COL11A1: variants seen among roughly 807,000 people sequenced by gnomAD.
COL11A1 encodes the protein collagen type XI alpha 1 chain.
In COL11A1, 74 loss-of-function variants were observed where a neutral mutation model predicts 265.2. That is an observed-to-expected ratio of 0.28 (90% CI 0.23 to 0.34). The LOEUF is 0.34. Ranked by LOEUF, COL11A1 falls within the 10% of genes least tolerant of loss-of-function variation. COL11A1 has a pLI of 1.00. For missense variants in COL11A1, 2,165 were observed against 2,263.6 expected, an observed-to-expected ratio of 0.96 and a Z score of 0.88; for synonymous variants, 816 against 727.6, an observed-to-expected ratio of 1.12 and a Z score of -1.96.
intron 14 of COL11A1, among the ~76,000 whole-genome samples, chr1:103,011,520 C>T (rs1038010395): frequency 2.1e-4 from 32 of 151,730 alleles, no homozygotes; most frequent in African/African-American, 7.5e-4. Context: ...ATAATAAAAT[C>T]TTCGATAAAA....
chr1:103,074,893 CA>C (rs1558028366), intron 3 of COL11A1, 113 bp from the exon 4 acceptor site: 10 of 1,250,538 alleles, frequency 8.0e-6, no homozygotes, highest in Non-Finnish European at 4.5e-6. Context: ...TAAAATCATA[CA>C]AAAAATGTAG....
At chr1:102,991,530 A>C (rs548033929) in intron 28 of COL11A1, among the ~76,000 whole-genome samples, 2 of 152,186 alleles carry the variant, frequency 1.3e-5, no homozygotes, top group African/African-American at 4.8e-5. Context: ...TCACTGAATA[A>C]TTATTATTGC....
intron 4 of COL11A1, among the ~76,000 whole-genome samples, chr1:103,037,023 AT>A (rs35368333): frequency 0.22 from 33,027 of 151,410 alleles, 3,835 homozygotes; most frequent in African/African-American, 0.27. Context: ...GGATCTCACT[AT>A]TTTTTTTATC....
intron 42 of COL11A1, among the ~76,000 whole-genome samples, chr1:102,943,485 A>T (rs942808114): frequency 1.3e-5 from 2 of 150,594 alleles, no homozygotes; most frequent in African/African-American, 4.9e-5. Context: ...ACACACACAC[A>T]AACAACCTCA....
In COL11A1 at chr1:102,877,995, T is replaced by C. The variant is rs764027000; in HGVS notation, c.*24A>G. The C allele has an allele frequency of 1.8e-5, 29 of 1,612,510 alleles. No individual in the cohort carries two copies. Among genetic ancestry groups the C allele is most frequent in the Non-Finnish European group, 2.4e-5 (28 of 1,179,020 alleles). ...GGCACCAAGGTATATTTTCTGTTGA[T>C]TTGATATGTTCTTTGTCTTAATCTT... On this transcript the variant is annotated 3_prime_UTR_variant, in exon 67 of 67. Transcript: ENST00000370096.
At chr1:103,011,968 C>G (rs1200694552) in intron 14 of COL11A1, among the ~76,000 whole-genome samples, 2 of 152,136 alleles carry the variant, frequency 1.3e-5, no homozygotes, top group African/African-American at 4.8e-5. Flanking sequence ...TTGTGGAATA[C>G]TGAGGCAACC....
chr1:103,007,883 A>AG (rs1665766862), intron 15 of COL11A1, among the ~76,000 whole-genome samples: 2 of 151,794 alleles, frequency 1.3e-5, no homozygotes, highest in African/African-American at 2.4e-5. Flanking sequence ...AAAAAAAAAA[A>AG]AAAGATTGTC....
intron 24 of COL11A1, 139 bp downstream of exon 24, chr1:103,001,786 A>T: frequency 2.7e-6 from 2 of 746,258 alleles, no homozygotes; most frequent in Non-Finnish European, 4.8e-6. Flanking sequence ...CTATATTTCC[A>T]TGTCGACTCC....
At chr1:102,896,358 C>A (rs936040064) in intron 57 of COL11A1, among the ~76,000 whole-genome samples, 2 of 152,064 alleles carry the variant, frequency 1.3e-5, no homozygotes, top group Non-Finnish European at 2.9e-5. Context: ...TAAAAATTAC[C>A]TACTAAAATA....
chr1:102,912,320 G>A, intron 53 of COL11A1, 108 bp from the exon 54 acceptor site: 2 of 813,746 alleles, frequency 2.5e-6, no homozygotes, highest in Non-Finnish European at 3.9e-6. Flanking sequence ...ATTTCCACAT[G>A]TCAATATTTC....
chr1:102,886,194 C>T (rs1048757369), intron 63 of COL11A1, among the ~76,000 whole-genome samples: 7 of 152,114 alleles, frequency 4.6e-5, no homozygotes, highest in African/African-American at 1.7e-4. Flanking sequence ...CTTTCTTTCT[C>T]TGACCAATAG....
chr1:102,923,284 G>T, intron 47 of COL11A1, 52 bp downstream of exon 47: 2 of 1,398,994 alleles, frequency 1.4e-6, no homozygotes, highest in Non-Finnish European at 2.0e-6. Context: ...ACAAACCAGT[G>T]ACTGCCATGC....
chr1:103,065,186 G>GCTGT (rs34928832), intron 4 of COL11A1, among the ~76,000 whole-genome samples: 142,283 of 151,964 alleles, frequency 0.94, 66,838 homozygotes, highest in East Asian at 1. Flanking sequence ...GCTCAACTTT[G>GCTGT]GAACCTACAC....
chr1:103,108,466 G>T lies in COL11A1; in HGVS notation c.-288C>A. The T allele has an allele frequency of 1.7e-6, 1 of 595,062 alleles. No homozygotes were observed. Among genetic ancestry groups the T allele is most frequent in the South Asian group, 2.1e-5 (1 of 48,306 alleles). 36.9% of individuals were successfully genotyped at this position (595,062 alleles called of 1,614,324 possible). Reference sequence around the variant, plus strand: ...GCCTTCAGAATGAAGGCAGATGAGGGGCTTCCACCAACAAGCTGAGAGTAC... The same window carrying T: ...GCCTTCAGAATGAAGGCAGATGAGGTGCTTCCACCAACAAGCTGAGAGTAC... On this transcript the variant is annotated 5_prime_UTR_variant, in exon 1 of 67. Coordinates refer to ENST00000370096, the MANE Select transcript of COL11A1 (RefSeq NM_001854.4).
chr1:102,972,852 ATT>A (rs1662095324), intron 36 of COL11A1, among the ~76,000 whole-genome samples: 1 of 152,078 alleles, frequency 6.6e-6, no homozygotes, highest in Admixed American at 6.5e-5. Flanking sequence ...TCATGCTATA[ATT>A]CTTAATCATT....
At chr1:102,995,961 A>G (rs775511982) in intron 27 of COL11A1, 28 bp downstream of exon 27, 1 of 1,612,182 alleles carries the variant, frequency 6.2e-7, no homozygotes, top group Non-Finnish European at 8.5e-7. Context: ...CTTTGAAAGT[A>G]AATAATGTGA....
intron 4 of COL11A1, 59 bp downstream of exon 4, chr1:103,074,559 T>C (rs1671825372): frequency 6.3e-7 from 1 of 1,585,706 alleles, no homozygotes; most frequent in Non-Finnish European, 8.6e-7. Context: ...ATTTTTACTG[T>C]TGTTAACCCA....
intron 7 of COL11A1, among the ~76,000 whole-genome samples, chr1:103,023,370 CTTT>C (rs112800509): frequency 3.5e-5 from 5 of 142,956 alleles, no homozygotes; most frequent in Non-Finnish European, 6.1e-5. Context: ...TTTTTTCTTT[CTTT>C]TTTTTTTTTG....
chr1:102,981,914 C>G (rs1663075967), intron 31 of COL11A1, among the ~76,000 whole-genome samples: 1 of 151,676 alleles, frequency 6.6e-6, no homozygotes, highest in Non-Finnish European at 1.5e-5. Flanking sequence ...TGTCAAATTA[C>G]AGGCCTTAAT....
Sources: gnomAD v4.1 joint callset for allele counts (sites outside exome capture counted in the v4.1 genomes callset) on GRCh38, gnomAD v4.1.1 for gene constraint, MANE v1.5 for transcripts, NCBI Gene and HGNC (gene_info 2026-07-23, HGNC 2026-07-21) for gene names.